Variants in QKI observed in about 807,000 individuals in gnomAD.
QKI encodes the protein KH domain-containing RNA-binding protein QKI.
QKI carries 10 observed loss-of-function variants against 39.0 expected under a neutral mutation model. The ratio of observed to expected loss-of-function variants is 0.26; its 90% CI spans 0.16 to 0.43. QKI has a LOEUF of 0.43. Among genes scored for constraint, QKI ranks in the 20% least tolerant of loss-of-function variants. The probability of loss-of-function intolerance (pLI) is 1.00; values close to 1 mark genes in which losing one functional copy is unlikely to be tolerated. For synonymous variants in QKI, 204 were observed against 155.4 expected, an observed-to-expected ratio of 1.31 and a Z score of -2.33; for missense variants, 218 against 428.0, an observed-to-expected ratio of 0.51 and a Z score of 4.33.
intron 3 of QKI, among the ~76,000 whole-genome samples, chr6:163,521,428 CTCT>C: frequency 6.6e-6 from 1 of 152,222 alleles, no homozygotes; most frequent in Middle Eastern, 3.4e-3. Flanking sequence ...GTTTGATTCG[CTCT>C]TATTACTCTA....
intron 3 of QKI, among the ~76,000 whole-genome samples, chr6:163,495,841 G>C (rs1335355964): frequency 6.6e-6 from 1 of 152,162 alleles, no homozygotes. Context: ...CATCACATTA[G>C]CAGTTAGATG....
chr6:163,566,769 A>T lies in QKI; in HGVS notation c.983A>T (p.Tyr328Phe). The change falls in exon 7 of 8, where the codon TAC (tyrosine) becomes TTC (phenylalanine). Residue 328 changes from tyrosine (Y) to phenylalanine (F), a missense_variant. Physicochemically the swap from Tyr to Phe is conservative, Grantham distance 22. Coordinates refer to ENST00000361752, the MANE Select transcript of QKI (RefSeq NM_006775.3). Reference sequence around the variant, plus strand: ...AGGCACGATATGCGTGTCCATCCTTACCAAAGGATTGTGACCGCAGACCGA... The same window carrying T: ...AGGCACGATATGCGTGTCCATCCTTTCCAAAGGATTGTGACCGCAGACCGA... ...VRRHDMRVHP[Y>F]QRIVTADRAA... 1 of 1,613,796 alleles carries T rather than the reference A, an allele frequency of 6.2e-7. No individual in the cohort carries two copies. The highest frequency in any genetic ancestry group is 8.5e-7 in the Non-Finnish European group (1 of 1,179,856).
At chr6:163,415,808 C>A in intron 1 of QKI, 1 of 442,892 alleles carries the variant, frequency 2.3e-6, no homozygotes, top group East Asian at 7.3e-5. Context: ...CCCCACCGCC[C>A]CGCGTTCGGG....
intron 1 of QKI, among the ~76,000 whole-genome samples, chr6:163,421,457 A>T (rs1349596152): frequency 6.6e-6 from 1 of 152,210 alleles, no homozygotes; most frequent in African/African-American, 2.4e-5. Context: ...TTACCCTTTT[A>T]AAAGTCCCCA....
chr6:163,444,552 C>CTAAT (rs140777), intron 1 of QKI, among the ~76,000 whole-genome samples: 141,363 of 152,128 alleles, frequency 0.93, 65,731 homozygotes, highest in East Asian at 0.98. Flanking sequence ...TAAAGAAAAT[C>CTAAT]TAAAACGTAT....
chr6:163,451,133 G>C (rs2128218263), intron 1 of QKI, among the ~76,000 whole-genome samples: 1 of 152,322 alleles, frequency 6.6e-6, no homozygotes, highest in South Asian at 2.1e-4. Context: ...GAAATCTTCT[G>C]TTGGTGTCTA....
intron 1 of QKI, among the ~76,000 whole-genome samples, chr6:163,429,394 T>TA (rs904111433): frequency 3.3e-5 from 5 of 152,016 alleles, no homozygotes; most frequent in Non-Finnish European, 7.4e-5. Context: ...TTACGGTTTT[T>TA]AAAAAAAATT....
intron 3 of QKI, among the ~76,000 whole-genome samples, chr6:163,504,002 C>T (rs2128232680): frequency 1.3e-5 from 2 of 152,202 alleles, no homozygotes; most frequent in East Asian, 3.9e-4. Context: ...CTCTGCCTCC[C>T]AAAGTGCTAG....
intron 4 of QKI, among the ~76,000 whole-genome samples, chr6:163,558,351 T>A (rs377044159): frequency 9.9e-5 from 15 of 152,186 alleles, no homozygotes; most frequent in African/African-American, 3.6e-4. Context: ...ACCACTTCGA[T>A]GTGAAAGTAA....
Position 163,571,199 on chromosome 6 carries a change from GGT to G in QKI, c.*491_*492del, listed in dbSNP as rs1382180721. On this transcript the variant is annotated 3_prime_UTR_variant, in exon 8 of 8. Transcript: ENST00000361752. ...TGAACCTTCGGTCAGGGATATCATT[GGT>G]GAAGTGATTTCAAAAAGTATTCAAA... is the stretch of plus-strand genomic sequence containing the variant. 1 of 152,278 alleles carries G rather than the reference GGT, an allele frequency of 6.6e-6. No individual in the cohort carries two copies. Among genetic ancestry groups the G allele is most frequent in the Admixed American group, 6.6e-5 (1 of 15,260 alleles). The allele number at this position is 152,278 out of a possible 1,614,324, so 9.4% of individuals were successfully genotyped here.
At chr6:163,506,644 T>C (rs1274951933) in intron 3 of QKI, among the ~76,000 whole-genome samples, 1 of 152,184 alleles carries the variant, frequency 6.6e-6, no homozygotes, top group Non-Finnish European at 1.5e-5. Context: ...CTTAAGCACT[T>C]AGTCTGCTAT....
At chr6:163,539,282 G>GT (rs1781376508) in intron 4 of QKI, among the ~76,000 whole-genome samples, 1 of 152,180 alleles carries the variant, frequency 6.6e-6, no homozygotes, top group Admixed American at 6.5e-5. Flanking sequence ...GATTTGGCAA[G>GT]TAGTGGTCAT....
intron 1 of QKI, among the ~76,000 whole-genome samples, chr6:163,418,383 G>A (rs1039440479): frequency 3.3e-5 from 5 of 152,028 alleles, no homozygotes; most frequent in African/African-American, 7.3e-5. Context: ...ATGAAGACTT[G>A]GATGTTTTAG....
chr6:163,495,041 A>G (rs1225505130), intron 3 of QKI, among the ~76,000 whole-genome samples: 2 of 151,670 alleles, frequency 1.3e-5, no homozygotes, highest in African/African-American at 4.8e-5. Flanking sequence ...TCAGCCTCCC[A>G]GGTATCTGGG....
rs116526155 is a variant in QKI, at chr6:163,532,361, G to C, written c.403-2621G>C. ...TAGATTGGTTTGAGTGAATTGATTG[G>C]GGGGGAGGTGGTCTCATGTATTGCA... On this transcript the variant is annotated intron_variant, in intron 3 of 7. Coordinates refer to ENST00000361752, the MANE Select transcript of QKI (RefSeq NM_006775.3). Among the ~76,000 whole-genome samples, 4 of 152,208 alleles carry C rather than the reference G, an allele frequency of 2.6e-5. No individual in the cohort carries two copies. In the South Asian group the frequency reaches 6.2e-4, roughly 24 times the overall value.
chr6:163,461,943 TA>T (rs1791385520), intron 2 of QKI, among the ~76,000 whole-genome samples: 1 of 152,200 alleles, frequency 6.6e-6, no homozygotes, highest in South Asian at 2.1e-4. Flanking sequence ...ATTTATTTTG[TA>T]AGTTAATGAG....
chr6:163,547,316 T>C (rs967746386), intron 4 of QKI, among the ~76,000 whole-genome samples: 11 of 152,192 alleles, frequency 7.2e-5, no homozygotes, highest in African/African-American at 2.7e-4. Flanking sequence ...TTTCATAATG[T>C]AAATGAGAAT....
At chr6:163,569,720 A>G (rs1224438444) in intron 7 of QKI, 1 of 991,740 alleles carries the variant, frequency 1.0e-6, no homozygotes, top group Non-Finnish European at 1.2e-6. Context: ...CTTCTTTTAA[A>G]ATATAAAAAT....
chr6:163,521,041 C>T (rs2128237594), intron 3 of QKI, among the ~76,000 whole-genome samples: 1 of 151,984 alleles, frequency 6.6e-6, no homozygotes, highest in South Asian at 2.1e-4. Flanking sequence ...TTTTTTTCTG[C>T]TGAGAAGAAT....
Sources: gnomAD v4.1 joint callset for allele counts (sites outside exome capture counted in the v4.1 genomes callset) on GRCh38, gnomAD v4.1.1 for gene constraint, MANE v1.5 for transcripts, NCBI Gene and HGNC (gene_info 2026-07-23, HGNC 2026-07-21) for gene names.